The following SHANK2 variants were observed in gnomAD, a reference collection of about 807,000 sequenced individuals.
The protein encoded by SHANK2 is SH3 and multiple ankyrin repeat domains 2.
Under a neutral mutation model 133.7 loss-of-function variants are expected in SHANK2, and 43 were observed. The ratio of observed to expected loss-of-function variants is 0.32; its 90% confidence interval spans 0.25 to 0.41. SHANK2 has a LOEUF of 0.41. SHANK2 is among the 10% of genes least tolerant of loss of function. The pLI is 1.00. For synonymous variants in SHANK2, 1,017 were observed against 952.8 expected (o/e 1.07, Z -1.24); for missense variants, 1,994 against 2,235.8 (o/e 0.89, Z 2.18).
At position 70,940,489 on chromosome 11, in the gene SHANK2, G is replaced by A. The variant is rs139636154; in HGVS notation, c.1108-43922C>T. Among the ~76,000 whole-genome samples the A allele has an allele frequency of 2.0e-3, 309 of 151,672 alleles. 1 individual carries two copies. Among genetic ancestry groups the A allele is most frequent in the African/African-American group, 7.2e-3 (298 of 41,314 alleles). On this transcript the variant is annotated intron_variant, in intron 10 of 25. Transcript: ENST00000601538. ...AGGCTGGTCTTGAACTCTTAACCTC[G>A]TGATCCACCCACCTTGGCCTCCCAA...
intron 17 of SHANK2, among the ~76,000 whole-genome samples, chr11:70,659,160 G>A (rs1555012483): frequency 1.3e-5 from 2 of 152,160 alleles, no homozygotes; most frequent in East Asian, 3.9e-4. Context: ...GCCAACCGTA[G>A]GGACTGTTTG....
chr11:70,546,182 G>A (rs149561556), intron 17 of SHANK2, among the ~76,000 whole-genome samples: 5 of 144,718 alleles, frequency 3.5e-5, no homozygotes, highest in South Asian at 2.2e-4. Flanking sequence ...CAAGGAATCC[G>A]CCCGCCTCGG....
At chr11:70,687,335 T>G (rs983233645) in intron 15 of SHANK2, among the ~76,000 whole-genome samples, 1 of 152,180 alleles carries the variant, frequency 6.6e-6, no homozygotes. Flanking sequence ...TTCATTACCC[T>G]GTGTAAGACC....
intron 17 of SHANK2, among the ~76,000 whole-genome samples, chr11:70,508,406 T>C (rs1453102642): frequency 1.3e-5 from 2 of 152,258 alleles, no homozygotes; most frequent in Non-Finnish European, 2.9e-5. Context: ...CCCCCTGCCC[T>C]ACTTTGCCTA....
chr11:70,473,285 C>T lies in SHANK2; in HGVS notation c.5134G>A (p.Val1712Ile), dbSNP rs1464787858. ...TCTTTGTTCATCTCTGTTGGCGAGA[C>T]CACAGGGCTTGGGGCACGTCTTGTT... ...SGTRRAPSPV[V>I]SPTEMNKETL... The change falls in exon 26 of 26, where the codon GTC becomes ATC. Residue 1712 changes from valine to isoleucine, a missense_variant. Physicochemically the swap from Val to Ile is conservative, Grantham distance 29. Around this residue, in one of 5 missense-constraint regions of SHANK2, gnomAD observed 797 missense variants for 907.4 expected, o/e 0.88. Coordinates refer to ENST00000601538, the MANE Select transcript of SHANK2 (RefSeq NM_012309.5). The surrounding 1 kb of genome is among the most constrained non-coding windows in gnomAD (Gnocchi z 5.9). The T allele has an allele frequency of 1.2e-6, 2 of 1,613,766 alleles. No homozygotes were observed. Among genetic ancestry groups the T allele is most frequent in the Non-Finnish European group, 1.7e-6 (2 of 1,179,782 alleles).
At chr11:71,125,520 A>C (rs1221716584) in intron 3 of SHANK2, among the ~76,000 whole-genome samples, 3 of 152,214 alleles carry the variant, frequency 2.0e-5, no homozygotes, top group Non-Finnish European at 4.4e-5. Flanking sequence ...ACTCTCTTCA[A>C]TTCTCTGAAG....
chr11:70,645,167 C>T (rs576140053), intron 17 of SHANK2, among the ~76,000 whole-genome samples: 1 of 152,258 alleles, frequency 6.6e-6, no homozygotes, highest in Admixed American at 6.5e-5. Context: ...GCCGAGATCA[C>T]GCCACTGCAC....
chr11:70,934,948 G>A (rs1322023982), intron 10 of SHANK2, among the ~76,000 whole-genome samples: 2 of 152,176 alleles, frequency 1.3e-5, no homozygotes, highest in Non-Finnish European at 1.5e-5. Flanking sequence ...AAGCATTCAC[G>A]GAGAGAAGGG....
chr11:70,712,465 A>G (rs180738398), intron 14 of SHANK2, among the ~76,000 whole-genome samples: 18 of 152,356 alleles, frequency 1.2e-4, no homozygotes, highest in African/African-American at 4.1e-4. Context: ...ACAGCTGGGC[A>G]GGCTGTGCTC....
chr11:70,925,326 GC>G lies in SHANK2; in HGVS notation c.1108-28760del, dbSNP rs771600099. On this transcript the variant is annotated intron_variant, in intron 10 of 25. Transcript: ENST00000601538. ...CAAGCATTTTTATTAAAGATGACCCGCCAAAGTGAAGAAAGCCCTGTTAATT... is the reference window on the plus strand; with the variant it reads ...CAAGCATTTTTATTAAAGATGACCCGCAAAGTGAAGAAAGCCCTGTTAATT... Among the ~76,000 whole-genome samples, 527 of 152,214 alleles carry G rather than the reference GC, an allele frequency of 3.5e-3. 2 individuals carry two copies. Among genetic ancestry groups the G allele is most frequent in the Non-Finnish European group, 4.3e-3 (295 of 68,000 alleles).
chr11:71,187,551 T>C (rs1231417817), intron 2 of SHANK2, among the ~76,000 whole-genome samples: 2 of 152,188 alleles, frequency 1.3e-5, no homozygotes, highest in Non-Finnish European at 2.9e-5. Context: ...TCATGTTTTA[T>C]TCAGCACAGT....
rs782257055 is a variant in SHANK2 at position 70,757,481 on chromosome 11, G to A, written c.1777+40962C>T. On this transcript the variant is annotated intron_variant, in intron 14 of 25. Coordinates refer to ENST00000601538, the MANE Select transcript of SHANK2 (RefSeq NM_012309.5). Reference sequence around the variant, plus strand: ...GCCCTGCGGCAGCAGCTCCCATGGCGTGTTGAGCCAACACTGTGGTGTATG... The same window carrying A: ...GCCCTGCGGCAGCAGCTCCCATGGCATGTTGAGCCAACACTGTGGTGTATG... Among the ~76,000 whole-genome samples, 6 of 152,260 alleles carry A rather than the reference G, an allele frequency of 3.9e-5. No individual in the cohort carries two copies. In the East Asian group the frequency reaches 5.8e-4, roughly 15 times the overall value.
chr11:70,902,828 C>T lies in SHANK2; in HGVS notation c.1108-6261G>A, dbSNP rs184426632. On this transcript the variant is annotated intron_variant, in intron 10 of 25. Transcript: ENST00000601538. Reference sequence around the variant, plus strand: ...AGTAGAGGAAAGCAGATGGACACCCCGCCAGGGGCCCTGGGGGCTCTGCCC... The same window carrying T: ...AGTAGAGGAAAGCAGATGGACACCCTGCCAGGGGCCCTGGGGGCTCTGCCC... Among the ~76,000 whole-genome samples the T allele has an allele frequency of 4.1e-3, 628 of 152,268 alleles. 2 individuals are homozygous for T. Among genetic ancestry groups the T allele is most frequent in the African/African-American group, 0.015 (613 of 41,546 alleles).
intron 17 of SHANK2, among the ~76,000 whole-genome samples, chr11:70,511,023 A>C (rs2059198494): frequency 6.6e-6 from 1 of 152,226 alleles, no homozygotes; most frequent in African/African-American, 2.4e-5. Context: ...CAAAAGTAAG[A>C]AACATACCAA....
chr11:70,885,987 T>C (rs670106), intron 11 of SHANK2, among the ~76,000 whole-genome samples: 25,646 of 151,918 alleles, frequency 0.17, 3,025 homozygotes, highest in African/African-American at 0.33. Context: ...ACCGACCCCT[T>C]CAGCTGACAT....
chr11:70,876,243 G>GACACACACACACACACACACACAC (rs3064243), intron 11 of SHANK2, among the ~76,000 whole-genome samples: 1 of 134,830 alleles, frequency 7.4e-6, no homozygotes, highest in Non-Finnish European at 1.6e-5. Context: ...CACACATATA[G>GACACACACACACACACACACACAC]ACACACACAC....
At chr11:70,608,405 TTTCTC>T (rs1225963308) in intron 17 of SHANK2, among the ~76,000 whole-genome samples, 1 of 152,158 alleles carries the variant, frequency 6.6e-6, no homozygotes, top group Admixed American at 6.5e-5. Flanking sequence ...ATGGGAACTT[TTTCTC>T]TCGAACACCC....
intron 2 of SHANK2, among the ~76,000 whole-genome samples, chr11:71,210,259 T>TATTA (rs1954244585): frequency 2.3e-5 from 3 of 132,278 alleles, no homozygotes; most frequent in Non-Finnish European, 4.7e-5. Context: ...TATATTTATT[T>TATTA]ATTTTTTGAA....
intron 1 of SHANK2, among the ~76,000 whole-genome samples, chr11:71,235,359 C>A (rs941483097): frequency 6.6e-6 from 1 of 151,918 alleles, no homozygotes; most frequent in Non-Finnish European, 1.5e-5. Context: ...TTTGGGAGGC[C>A]GAGGCAGGTG....
Sources: allele counts gnomAD v4.1 joint callset (sites outside exome capture counted in the v4.1 genomes callset), GRCh38; gene constraint gnomAD v4.1.1; regional missense constraint gnomAD v4.1.1; non-coding constraint Gnocchi (gnomAD v3.1); transcripts MANE v1.5; gene names NCBI Gene and HGNC (gene_info 2026-07-23, HGNC 2026-07-21).